HYKK: variants seen among roughly 807,000 people sequenced by gnomAD.
HYKK encodes hydroxylysine kinase.
Under a neutral mutation model 29.7 loss-of-function variants are expected in HYKK, and 19 were observed. The ratio of observed to expected loss-of-function variants is 0.64; its 90% confidence interval spans 0.45 to 0.94. The LOEUF (loss-of-function observed/expected upper bound fraction) is 0.94, where lower values mean the gene tolerates loss of function less well. Ranked by LOEUF, HYKK falls within the 40% of genes least tolerant of loss-of-function variation. The pLI is 0.00. For missense variants in HYKK, 390 were observed against 443.4 expected (o/e 0.88, Z 1.08); for synonymous variants, 152 against 158.1 (o/e 0.96, Z 0.29).
At chr15:78,509,914 C>T (rs1238114948) in intron 1 of HYKK, among the ~76,000 whole-genome samples, 1 of 152,172 alleles carries the variant, frequency 6.6e-6, no homozygotes, top group Non-Finnish European at 1.5e-5. Flanking sequence ...AAGGCATTAA[C>T]TTGCAGTAAC....
At position 78,513,395 on chromosome 15, in the gene HYKK, G is replaced by T; in HGVS notation, c.307G>T (p.Gly103Ter). The T allele has an allele frequency of 6.2e-7, 1 of 1,613,910 alleles. No homozygotes were observed. Among genetic ancestry groups the T allele is most frequent in the Non-Finnish European group, 8.5e-7 (1 of 1,179,972 alleles). ...AACAGCCTCTGTGTGTCACACTAAA[G>T]GAGACAACACAGCTTCTCTCGTGTC... ...FPTASVCHTKGDNTASLVSVD... is the reference protein window; with the variant it reads ...FPTASVCHTK Residue 103 changes from glycine (G) to a stop codon, truncating the protein, a stop_gained, in exon 2 of 5, where the codon GGA (glycine) becomes TGA (stop). Coordinates refer to ENST00000388988, the MANE Select transcript of HYKK (RefSeq NM_001013619.4). LOFTEE classifies it high-confidence loss of function.
rs934115043 is a variant in HYKK at position 78,514,904 on chromosome 15, CTCTCTATATA to C, written c.338-62_338-53del. ...TATCTAAATACCTCTCTCTCTCTCT[CTCTCTATATA>C]TATATATATATATAAATAATTTAGT... On this transcript the variant is annotated intron_variant, in intron 2 of 4. Coordinates refer to ENST00000388988, the MANE Select transcript of HYKK (RefSeq NM_001013619.4). The C allele has an allele frequency of 4.2e-4, 211 of 499,244 alleles. 1 individual carries two copies. The highest frequency in any genetic ancestry group is 5.5e-4 in the Non-Finnish European group (189 of 346,178). 30.9% of individuals were successfully genotyped at this position (499,244 alleles called of 1,614,324 possible). A position where few individuals can be genotyped will look rare whatever the true frequency, so the allele number is the denominator to read the frequency against.
At chr15:78,527,830 G>A (rs2052270964) in intron 4 of HYKK, 1 of 926,628 alleles carries the variant, frequency 1.1e-6, no homozygotes, top group Non-Finnish European at 1.4e-6. Flanking sequence ...TTTATAGTAG[G>A]GTTTGTGTTT....
chr15:78,535,732 G>GT lies in HYKK; in HGVS notation c.*2065dup, dbSNP rs1442407734. ...TTGTTTTGGGCTTTTTTGTTTGTTT[G>GT]TTTGAGATAGGGTCTCACTCCGTCA... On this transcript the variant is annotated 3_prime_UTR_variant, in exon 5 of 5. Transcript: ENST00000388988. 5 of 152,032 alleles carry GT rather than the reference G, an allele frequency of 3.3e-5. No individual in the cohort carries two copies. The East Asian group carries it at 9.7e-4, about 29-fold the overall frequency. The allele number at this position is 152,032 out of a possible 1,614,324, so 9.4% of individuals were successfully genotyped here.
chr15:78,512,778 C>G (rs1596026851), intron 1 of HYKK, among the ~76,000 whole-genome samples: 1 of 152,110 alleles, frequency 6.6e-6, no homozygotes, highest in African/African-American at 2.4e-5. Context: ...AAAATTTCCC[C>G]TATAAAATTA....
At chr15:78,512,778 C>T (rs1596026851) in intron 1 of HYKK, among the ~76,000 whole-genome samples, 1 of 152,110 alleles carries the variant, frequency 6.6e-6, no homozygotes, top group East Asian at 1.9e-4. Flanking sequence ...AAAATTTCCC[C>T]TATAAAATTA....
chr15:78,520,378 C>G (rs1365828089), intron 3 of HYKK, among the ~76,000 whole-genome samples: 3 of 152,014 alleles, frequency 2.0e-5, no homozygotes, highest in Non-Finnish European at 2.9e-5. Flanking sequence ...AGGCAGAGGA[C>G]CCTGCGGCCT....
intron 3 of HYKK, among the ~76,000 whole-genome samples, chr15:78,520,809 G>A (rs2052186077): frequency 6.6e-6 from 1 of 152,148 alleles, no homozygotes; most frequent in East Asian, 1.9e-4. Flanking sequence ...TTCCCAGTAG[G>A]GGCGGCCGGG....
At chr15:78,523,390 G>A (rs2052217991) in intron 3 of HYKK, among the ~76,000 whole-genome samples, 1 of 152,112 alleles carries the variant, frequency 6.6e-6, no homozygotes, top group African/African-American at 2.4e-5. Flanking sequence ...AGCCTCAAGA[G>A]GATGGTGCTA....
At chr15:78,515,620 G>A (rs1490595889) in intron 3 of HYKK, among the ~76,000 whole-genome samples, 1 of 144,644 alleles carries the variant, frequency 6.9e-6, no homozygotes, top group African/African-American at 2.6e-5. Context: ...ACAGAATCTC[G>A]CTCTGTCGTC....
intron 4 of HYKK, among the ~76,000 whole-genome samples, chr15:78,532,308 T>A (rs1834285172): frequency 6.6e-6 from 1 of 152,214 alleles, no homozygotes; most frequent in African/African-American, 2.4e-5. Flanking sequence ...CACTCTTGGA[T>A]GTCATATCCC....
chr15:78,518,265 G>C lies in HYKK; in HGVS notation c.477+3158G>C, dbSNP rs538765545. On this transcript the variant is annotated intron_variant, in intron 3 of 4. Coordinates refer to ENST00000388988, the MANE Select transcript of HYKK (RefSeq NM_001013619.4). ...TGCAGTGGCACGATCTCAGCTCACC[G>C]CAACCTCCGCCTCCCAGGCTCAAGG... Among the ~76,000 whole-genome samples, 19 of 152,082 alleles carry C rather than the reference G, an allele frequency of 1.2e-4. 1 individual carries two copies. Among genetic ancestry groups the C allele is most frequent in the African/African-American group, 4.6e-4 (19 of 41,412 alleles).
chr15:78,512,496 T>C (rs962461382), intron 1 of HYKK, among the ~76,000 whole-genome samples: 2 of 147,874 alleles, frequency 1.4e-5, no homozygotes, highest in African/African-American at 5.0e-5. Flanking sequence ...CGACCTCCCA[T>C]GTTCAAGTGA....
intron 2 of HYKK, 56 bp downstream of exon 2, chr15:78,513,481 T>C: frequency 7.9e-7 from 1 of 1,272,942 alleles, no homozygotes; most frequent in Non-Finnish European, 1.1e-6. Flanking sequence ...CACTGCATTT[T>C]GGCCACAAGT....
At chr15:78,526,412 G>T (rs1243340430) in intron 3 of HYKK, among the ~76,000 whole-genome samples, 1 of 152,228 alleles carries the variant, frequency 6.6e-6, no homozygotes. Context: ...CAAAATATCA[G>T]AGAGAGGGTT....
At chr15:78,519,215 C>T (rs773870819) in intron 3 of HYKK, among the ~76,000 whole-genome samples, 5 of 152,170 alleles carry the variant, frequency 3.3e-5, no homozygotes, top group Non-Finnish European at 5.9e-5. Flanking sequence ...TCTATACTTA[C>T]AATAATCACC....
Position 78,517,338 on chromosome 15 carries a change from G to C in HYKK, c.477+2231G>C, listed in dbSNP as rs529473314. ...ACCTGTAATCCCAGCACTTTGGGAG[G>C]CTGAGGCAGGCGGATCACTTGAGGT... On this transcript the variant is annotated intron_variant, in intron 3 of 4. Coordinates refer to ENST00000388988, the MANE Select transcript of HYKK (RefSeq NM_001013619.4). 2.0e-5 allele frequency among the ~76,000 whole-genome samples: 3 copies of C among 152,216 alleles called. No individual in the cohort carries two copies. The East Asian group carries it at 5.8e-4, about 29-fold the overall frequency.
intron 3 of HYKK, among the ~76,000 whole-genome samples, chr15:78,525,616 GC>G (rs2052245064): frequency 6.6e-6 from 1 of 151,970 alleles, no homozygotes; most frequent in African/African-American, 2.4e-5. Context: ...TCCTGCCTCA[GC>G]CTCCCAAGTA....
In HYKK at chr15:78,508,872, T is replaced by A. The variant is rs1334771857; in HGVS notation, c.-6+1201T>A. 1.1e-3 allele frequency among the ~76,000 whole-genome samples: 20 copies of A among 18,472 alleles called. No homozygotes were observed. In the Admixed American group the frequency reaches 0.019, roughly 18 times the overall value. 12.1% of individuals were successfully genotyped at this position (18,472 alleles called of 152,430 possible). A position where few individuals can be genotyped will look rare whatever the true frequency, so the allele number is the denominator to read the frequency against. On this transcript the variant is annotated intron_variant, in intron 1 of 4. Coordinates refer to ENST00000388988, the MANE Select transcript of HYKK (RefSeq NM_001013619.4). ...CAGCCTGGGCAACATAGTGGGACCC[T>A]CTCTCTCCAAAAAAAAAAAAAAAAA...
Sources: gnomAD v4.1 joint callset for allele counts (sites outside exome capture counted in the v4.1 genomes callset) on GRCh38, gnomAD v4.1.1 for gene constraint, MANE v1.5 for transcripts, NCBI Gene and HGNC (gene_info 2026-07-23, HGNC 2026-07-21) for gene names.